Variants in DIAPH3 observed in about 807,000 individuals in gnomAD.
DIAPH3 encodes protein diaphanous homolog 3.
Under a neutral mutation model 144.3 loss-of-function variants are expected in DIAPH3, and 117 were observed. That is an observed-to-expected ratio of 0.81 (90% CI 0.70 to 0.95). The LOEUF (loss-of-function observed/expected upper bound fraction) is 0.95. Among genes scored for constraint, DIAPH3 ranks in the 40% least tolerant of loss-of-function variants. DIAPH3 has a pLI of 0.00. For synonymous variants in DIAPH3, 519 were observed against 488.9 expected (o/e 1.06, Z -0.81); for missense variants, 1,421 against 1,412.7 (o/e 1.01, Z -0.09).
At chr13:59,788,868 C>A (rs1479397110) in intron 25 of DIAPH3, among the ~76,000 whole-genome samples, 11 of 152,138 alleles carry the variant, frequency 7.2e-5, no homozygotes, top group African/African-American at 2.2e-4. Context: ...AATTATTCCA[C>A]CACATGGTGC....
chr13:59,800,869 ATC>A (rs1291493687), intron 25 of DIAPH3, among the ~76,000 whole-genome samples: 1 of 152,182 alleles, frequency 6.6e-6, no homozygotes, highest in East Asian at 1.9e-4. Context: ...TGGTAAAATA[ATC>A]TGTTAAAATA....
chr13:59,869,918 T>C (rs923628134), intron 21 of DIAPH3, among the ~76,000 whole-genome samples: 2 of 152,198 alleles, frequency 1.3e-5, no homozygotes, highest in Non-Finnish European at 2.9e-5. Context: ...GGAAAGATTT[T>C]CTTCCAGCCT....
intron 19 of DIAPH3, among the ~76,000 whole-genome samples, chr13:59,915,857 T>G (rs183081154): frequency 6.6e-6 from 1 of 152,212 alleles, no homozygotes; most frequent in African/African-American, 2.4e-5. Flanking sequence ...AAATTTTAAG[T>G]AACACATTAA....
chr13:59,810,890 C>T lies in DIAPH3; in HGVS notation c.3061G>A (p.Ala1021Thr). 1 of 1,605,720 alleles carries T rather than the reference C, an allele frequency of 6.2e-7. No individual in the cohort carries two copies. Among genetic ancestry groups the T allele is most frequent in the Non-Finnish European group, 8.5e-7 (1 of 1,178,226 alleles). Residue 1021 changes from alanine (A) to threonine (T), a missense_variant, in exon 25 of 28, where the codon GCA (alanine) becomes ACA (threonine). Ala to Thr is a moderately conservative substitution (Grantham distance 58). Transcript: ENST00000400324. ...CTGACACGTTTTTCTTTTTCCTCTG[C>T]TTCTCTTTTTTTGATATTCTCCTTT... ...AIKENIKKRE[A>T]EEKEKRVRIA...
intron 11 of DIAPH3, 100 bp from the exon 12 acceptor site, chr13:59,991,374 C>T (rs546979388): frequency 1.5e-5 from 12 of 825,244 alleles, no homozygotes; most frequent in Non-Finnish European, 2.5e-5. Flanking sequence ...AACTGTAATA[C>T]AGGCATCTTA....
intron 25 of DIAPH3, among the ~76,000 whole-genome samples, chr13:59,806,223 A>T (rs1430297898): frequency 2.0e-5 from 3 of 152,034 alleles, no homozygotes; most frequent in African/African-American, 7.2e-5. Context: ...TGTAAATTCA[A>T]TAATTCACCC....
chr13:60,010,161 A>C (rs1184713084), intron 8 of DIAPH3, among the ~76,000 whole-genome samples: 1 of 152,176 alleles, frequency 6.6e-6, no homozygotes, highest in Non-Finnish European at 1.5e-5. Context: ...AAGGGGATAG[A>C]GAAGACCTAC....
At chr13:59,914,092 AATG>A (rs1450161212) in intron 19 of DIAPH3, among the ~76,000 whole-genome samples, 2 of 152,204 alleles carry the variant, frequency 1.3e-5, no homozygotes, top group African/African-American at 4.8e-5. Flanking sequence ...ATGGGTAAAA[AATG>A]ATGCAGAAAA....
At chr13:60,037,062 T>C (rs1157020133) in intron 5 of DIAPH3, among the ~76,000 whole-genome samples, 1 of 10,418 alleles carries the variant, frequency 9.6e-5, no homozygotes, top group Non-Finnish European at 2.1e-4. Flanking sequence ...AAACCCTCAA[T>C]TGCATCTCAA....
At chr13:59,713,863 A>C (rs1164219396) in intron 27 of DIAPH3, among the ~76,000 whole-genome samples, 2 of 152,250 alleles carry the variant, frequency 1.3e-5, no homozygotes, top group Non-Finnish European at 2.9e-5. Context: ...TTCTGTAAGC[A>C]TGAGTTGCTG....
chr13:60,077,556 T>G (rs184662233), intron 4 of DIAPH3, among the ~76,000 whole-genome samples: 1 of 152,082 alleles, frequency 6.6e-6, no homozygotes, highest in Admixed American at 6.6e-5. Context: ...TAAGAAAGTA[T>G]GACTTTATCA....
intron 17 of DIAPH3, among the ~76,000 whole-genome samples, chr13:59,931,886 G>C (rs2140334490): frequency 6.6e-6 from 1 of 152,276 alleles, no homozygotes; most frequent in African/African-American, 2.4e-5. Flanking sequence ...GAGGCAGCTG[G>C]ACATACAGAT....
chr13:59,734,501 T>A (rs187075031), intron 27 of DIAPH3, among the ~76,000 whole-genome samples: 1 of 152,234 alleles, frequency 6.6e-6, no homozygotes, highest in African/African-American at 2.4e-5. Flanking sequence ...CTCTGAGGAG[T>A]CATGTCACTT....
chr13:59,905,212 G>A lies in DIAPH3; in HGVS notation c.2367+6523C>T, dbSNP rs1020711053. Among the ~76,000 whole-genome samples, 7 of 151,422 alleles carry A rather than the reference G, an allele frequency of 4.6e-5. No homozygotes were observed. In the South Asian group the frequency reaches 1.3e-3, roughly 27 times the overall value. ...AAAAAAATTAGCCGGGCGTGGTGGC[G>A]GGCGCCTATAGTCCCAGCTACTCGG... On this transcript the variant is annotated intron_variant, in intron 20 of 27. Transcript: ENST00000400324.
chr13:59,818,170 GA>G (rs2040878392), intron 24 of DIAPH3, among the ~76,000 whole-genome samples: 1 of 151,972 alleles, frequency 6.6e-6, no homozygotes, highest in African/African-American at 2.4e-5. Flanking sequence ...AGTTGCCACA[GA>G]GACTGTATTG....
chr13:60,147,008 A>G (rs1327062126), intron 1 of DIAPH3, among the ~76,000 whole-genome samples: 1 of 152,192 alleles, frequency 6.6e-6, no homozygotes, highest in Non-Finnish European at 1.5e-5. Flanking sequence ...AGGCTATAAA[A>G]CTGCATCATC....
intron 18 of DIAPH3, among the ~76,000 whole-genome samples, chr13:59,918,397 C>T (rs922952852): frequency 2.0e-5 from 3 of 152,092 alleles, no homozygotes; most frequent in African/African-American, 4.8e-5. Context: ...AGGAATCTAA[C>T]GGTCCTTTGA....
chr13:60,118,764 C>A (rs570628520), intron 2 of DIAPH3, among the ~76,000 whole-genome samples: 1 of 152,148 alleles, frequency 6.6e-6, no homozygotes, highest in Non-Finnish European at 1.5e-5. Flanking sequence ...CTACTTAAAC[C>A]TTCCATGATG....
At position 59,833,146 on chromosome 13, in the gene DIAPH3, G is replaced by A. The variant is rs1227211525; in HGVS notation, c.2988C>T (p.Asp996=). 2 of 1,610,664 alleles carry A rather than the reference G, an allele frequency of 1.2e-6. No individual in the cohort carries two copies. Among genetic ancestry groups the A allele is most frequent in the Middle Eastern group, 1.7e-4 (1 of 6,036 alleles). ...TGAAGTTATTCAGGTCAGTAAGAAA[G>A]TCTTCCACAGACACCTTCTTCACAT... ...AIDVKKVSVE[D]FLTDLNNFRT... The change falls in exon 24 of 28, where the codon GAC becomes GAT. Residue 996 remains aspartate, a synonymous_variant. Coordinates refer to ENST00000400324, the MANE Select transcript of DIAPH3 (RefSeq NM_001042517.2).
Sources: allele counts gnomAD v4.1 joint callset (sites outside exome capture counted in the v4.1 genomes callset), GRCh38; gene constraint gnomAD v4.1.1; transcripts MANE v1.5; gene names NCBI Gene and HGNC (gene_info 2026-07-23, HGNC 2026-07-21).